DIP2C: variants seen among roughly 807,000 people sequenced by gnomAD.
DIP2C encodes disco-interacting protein 2 homolog C.
DIP2C carries 33 observed loss-of-function variants against 192.4 expected under a neutral mutation model. The ratio of observed to expected loss-of-function variants is 0.17; its 90% CI spans 0.13 to 0.23. The LOEUF (loss-of-function observed/expected upper bound fraction) is 0.23. Ranked by LOEUF, DIP2C falls within the 10% of genes least tolerant of loss-of-function variation. The probability of loss-of-function intolerance (pLI) is 1.00; values close to 1 mark genes in which losing one functional copy is unlikely to be tolerated. For synonymous variants in DIP2C, 979 were observed against 864.1 expected (o/e 1.13, Z -2.33); for missense variants, 1,537 against 2,110.1 (o/e 0.73, Z 5.32).
At chr10:684,419 C>T (rs190016725) in intron 1 of DIP2C, among the ~76,000 whole-genome samples, 10 of 152,348 alleles carry the variant, frequency 6.6e-5, no homozygotes, top group African/African-American at 1.9e-4. Context: ...GACCCTCCTA[C>T]CCTCCTCTCA....
intron 1 of DIP2C, among the ~76,000 whole-genome samples, chr10:612,246 C>G (rs892613600): frequency 6.6e-6 from 1 of 151,562 alleles, no homozygotes; most frequent in African/African-American, 2.4e-5. Flanking sequence ...GAGCCAAGGT[C>G]ACACCACTGC....
intron 24 of DIP2C, among the ~76,000 whole-genome samples, chr10:353,861 T>G (rs1047071728): frequency 6.6e-6 from 1 of 152,250 alleles, no homozygotes; most frequent in Non-Finnish European, 1.5e-5. Flanking sequence ...TTCTTCCTTT[T>G]TAAAATCTTG....
In DIP2C at chr10:392,435, A is replaced by G. The variant is rs746447483; in HGVS notation, c.1261-1572T>C. Among the ~76,000 whole-genome samples the G allele has an allele frequency of 3.3e-5, 5 of 152,382 alleles. No homozygotes were observed. In the East Asian group the frequency reaches 9.6e-4, roughly 29 times the overall value. On this transcript the variant is annotated intron_variant, in intron 10 of 36. Transcript: ENST00000280886. ...ATTTAATCCCCCAAATGATAAAATC[A>G]TACACATAAGAAGATCCCAAAAAAT... is the stretch of plus-strand genomic sequence containing the variant.
intron 1 of DIP2C, among the ~76,000 whole-genome samples, chr10:531,218 C>A (rs905285048): frequency 1.3e-5 from 2 of 152,160 alleles, no homozygotes; most frequent in African/African-American, 4.8e-5. Flanking sequence ...TCCCCGTAAA[C>A]ATTCAGACAT....
At chr10:529,242 G>C (rs1362349123) in intron 1 of DIP2C, among the ~76,000 whole-genome samples, 1 of 152,124 alleles carries the variant, frequency 6.6e-6, no homozygotes, top group Non-Finnish European at 1.5e-5. Context: ...GAGCACTTAT[G>C]GACTGGGTAT....
At chr10:591,205 C>T (rs1247303111) in intron 1 of DIP2C, among the ~76,000 whole-genome samples, 1 of 152,166 alleles carries the variant, frequency 6.6e-6, no homozygotes, top group Non-Finnish European at 1.5e-5. Context: ...TCACTGCAAC[C>T]TCTGCACCTT....
At chr10:507,196 C>T (rs1323908175) in intron 1 of DIP2C, among the ~76,000 whole-genome samples, 1 of 147,168 alleles carries the variant, frequency 6.8e-6, no homozygotes, top group Non-Finnish European at 1.5e-5. Flanking sequence ...CAATCAGAAG[C>T]TTTTGAGGTT....
chr10:308,564 TA>T (rs1045107580), intron 32 of DIP2C, among the ~76,000 whole-genome samples: 1 of 152,254 alleles, frequency 6.6e-6, no homozygotes, highest in Non-Finnish European at 1.5e-5. Context: ...CAGAAGTGAT[TA>T]TTTAGAAAAC....
At chr10:370,088 C>A (rs1960781640) in intron 17 of DIP2C, 1 of 973,530 alleles carries the variant, frequency 1.0e-6, no homozygotes, top group Non-Finnish European at 1.2e-6. Context: ...TGATGGAAAT[C>A]CTGACTGTCC....
chr10:449,280 C>T (rs1004609987), intron 3 of DIP2C, among the ~76,000 whole-genome samples: 24 of 152,166 alleles, frequency 1.6e-4, no homozygotes, highest in Admixed American at 2.0e-4. Flanking sequence ...TCTTGTGTAA[C>T]AAAAGTCGAC....
intron 1 of DIP2C, among the ~76,000 whole-genome samples, chr10:594,557 A>G (rs1261505145): frequency 6.6e-6 from 1 of 152,162 alleles, no homozygotes; most frequent in Non-Finnish European, 1.5e-5. Context: ...GTAAGAGAAC[A>G]TGGCTGAGTA....
intron 1 of DIP2C, among the ~76,000 whole-genome samples, chr10:624,798 C>G (rs1396240786): frequency 1.3e-5 from 2 of 152,200 alleles, no homozygotes; most frequent in Non-Finnish European, 2.9e-5. Context: ...GAACCCTCCC[C>G]AGGAGCTCAC....
Position 574,294 on chromosome 10 carries a change from A to G in DIP2C, c.86-87764T>C, listed in dbSNP as rs552530076. ...AGCAGATTTTAGCAAAATAAAACCCACTGTTATCTTTCCGCAATTAAATAA... is the reference window on the plus strand; with the variant it reads ...AGCAGATTTTAGCAAAATAAAACCCGCTGTTATCTTTCCGCAATTAAATAA... On this transcript the variant is annotated intron_variant, in intron 1 of 36. Transcript: ENST00000280886. 9.3e-4 allele frequency among the ~76,000 whole-genome samples: 142 copies of G among 152,306 alleles called. 1 individual carries two copies. In the Middle Eastern group the frequency reaches 0.027, roughly 29 times the overall value.
chr10:496,987 G>A (rs1178825075), intron 1 of DIP2C, among the ~76,000 whole-genome samples: 9 of 152,126 alleles, frequency 5.9e-5, no homozygotes, highest in Non-Finnish European at 1.3e-4. Flanking sequence ...AGCCAGGTGT[G>A]GTGGCGGGTG....
intron 1 of DIP2C, among the ~76,000 whole-genome samples, chr10:637,289 C>T (rs1564291806): frequency 6.7e-6 from 1 of 150,056 alleles, no homozygotes; most frequent in Non-Finnish European, 1.5e-5. Context: ...GCTGTAACAA[C>T]ACACCATAGG....
At chr10:436,564 T>C (rs1318547941) in intron 4 of DIP2C, among the ~76,000 whole-genome samples, 1 of 146,458 alleles carries the variant, frequency 6.8e-6, no homozygotes, top group East Asian at 2.1e-4. Flanking sequence ...GAGCTCCACC[T>C]CCTAGACGTG....
intron 17 of DIP2C, among the ~76,000 whole-genome samples, chr10:376,848 AAC>A (rs1275347756): frequency 6.6e-6 from 1 of 152,206 alleles, no homozygotes; most frequent in African/African-American, 2.4e-5. Context: ...ATTTTCAGGA[AAC>A]ACGCACCGCG....
chr10:327,798 T>C (rs934249317), intron 30 of DIP2C, among the ~76,000 whole-genome samples: 1 of 152,178 alleles, frequency 6.6e-6, no homozygotes, highest in Non-Finnish European at 1.5e-5. Context: ...AAGAATTTCT[T>C]CTCATTCTCA....
intron 1 of DIP2C, among the ~76,000 whole-genome samples, chr10:656,938 G>A (rs913989371): frequency 2.6e-5 from 4 of 152,200 alleles, no homozygotes; most frequent in African/African-American, 9.7e-5. Flanking sequence ...CCACTGTGAG[G>A]AACTCAAGGA....
Sources: gnomAD v4.1 joint callset for allele counts (sites outside exome capture counted in the v4.1 genomes callset) on GRCh38, gnomAD v4.1.1 for gene constraint, MANE v1.5 for transcripts, NCBI Gene and HGNC (gene_info 2026-07-23, HGNC 2026-07-21) for gene names.